C5: variants seen among roughly 807,000 people sequenced by gnomAD.
C5 encodes the protein complement C5.
C5 carries 140 observed loss-of-function variants against 218.8 expected under a neutral mutation model. The observed-to-expected ratio is 0.64, with a 90% CI of 0.56 to 0.74. C5 has a LOEUF of 0.74. Ranked by LOEUF, C5 falls within the 30% of genes least tolerant of loss-of-function variation. C5 has a pLI of 0.00. For synonymous variants in C5, 614 were observed against 682.3 expected, an observed-to-expected ratio of 0.90 and a Z score of 1.56; for missense variants, 1,700 against 1,969.6, an observed-to-expected ratio of 0.86 and a Z score of 2.59.
intron 20 of C5, among the ~76,000 whole-genome samples, chr9:121,002,289 T>TAC (rs1393661473): frequency 3.3e-5 from 4 of 121,282 alleles, no homozygotes; most frequent in East Asian, 2.5e-4. Flanking sequence ...TACGTATATA[T>TAC]GTATATATGT....
At chr9:120,965,590 T>C (rs575958499) in intron 33 of C5, among the ~76,000 whole-genome samples, 6 of 151,946 alleles carry the variant, frequency 3.9e-5, no homozygotes, top group Non-Finnish European at 5.9e-5. Context: ...AAGTCATAGA[T>C]GTAATATTTG....
Position 120,953,831 on chromosome 9 carries a change from G to A in C5, c.4800C>T (p.Phe1600=). ...CGTTAGTACAGGTTACCTTTTTAAT[G>A]AAGGTAATCTCAGAGTCTTTCTCAG... ...AVAEKDSEIT[F]IKKVTCTNAE... is the part of the protein sequence containing the mutation. Residue 1600 remains phenylalanine (F), a synonymous_variant, in exon 40 of 41, where the codon TTC becomes TTT. Transcript: ENST00000223642. 6.2e-7 allele frequency: 1 copy of A among 1,613,360 alleles called. No individual in the cohort carries two copies. The highest frequency in any genetic ancestry group is 8.5e-7 in the Non-Finnish European group (1 of 1,179,286).
intron 3 of C5, 95 bp downstream of exon 3, chr9:121,042,909 G>T: frequency 1.0e-6 from 1 of 974,054 alleles, no homozygotes; most frequent in Non-Finnish European, 1.6e-6. Flanking sequence ...AAAAGAAACC[G>T]ATCTCCACTC....
chr9:121,002,094 G>C (rs2047165924), intron 20 of C5, among the ~76,000 whole-genome samples: 1 of 150,092 alleles, frequency 6.7e-6, no homozygotes, highest in Non-Finnish European at 1.5e-5. Flanking sequence ...AATATTATTG[G>C]TGGAAACACA....
chr9:121,073,295 G>T, the C5 span, among the ~76,000 whole-genome samples: 1 of 152,048 alleles, frequency 6.6e-6, no homozygotes, highest in East Asian at 1.9e-4. Flanking sequence ...CCGCTTCCGG[G>T]GTTTGCACAA....
chr9:121,023,593 T>C (rs1395235950), intron 9 of C5, 74 bp from the exon 10 acceptor site: 1 of 839,928 alleles, frequency 1.2e-6, no homozygotes, highest in Non-Finnish European at 2.1e-6. Context: ...ATTTCATCTC[T>C]ATATGTCTCC....
Position 120,957,349 on chromosome 9 carries a change from T to C in C5, c.4698A>G (p.Thr1566=), listed in dbSNP as rs538537721. The stretch of plus-strand genomic sequence containing the variant: ...CAAAAACATTTTCTACAGTGATGGA[T>C]GTGATGCTAACTTTATAAGCTGGCA... ...EIAYAYKVSI[T]SITVENVFVK... Residue 1566 remains threonine, a synonymous_variant, in exon 39 of 41, where the codon ACA becomes ACG. Transcript: ENST00000223642. The C allele has an allele frequency of 6.2e-7, 1 of 1,612,936 alleles. No individual in the cohort carries two copies. Among genetic ancestry groups the C allele is most frequent in the African/African-American group, 1.3e-5 (1 of 75,028 alleles).
intron 3 of C5, among the ~76,000 whole-genome samples, chr9:121,039,460 G>T (rs183656421): frequency 7.9e-5 from 12 of 152,066 alleles, no homozygotes; most frequent in Non-Finnish European, 1.3e-4. Context: ...CCAACATGGT[G>T]AAATCCCATC....
chr9:121,015,909 T>C lies in C5; in HGVS notation c.1996+345A>G, dbSNP rs185019685. Reference sequence around the variant, plus strand: ...TTCTTACATTGCTTCTCCAGGCTAATGAAGGGGAAACCAATTCCAATAAAT... The same window carrying C: ...TTCTTACATTGCTTCTCCAGGCTAACGAAGGGGAAACCAATTCCAATAAAT... On this transcript the variant is annotated intron_variant, in intron 15 of 40. Coordinates refer to ENST00000223642, the MANE Select transcript of C5 (RefSeq NM_001735.3). Among the ~76,000 whole-genome samples, 13 of 152,250 alleles carry C rather than the reference T, an allele frequency of 8.5e-5. No individual in the cohort carries two copies. The East Asian group carries it at 1.7e-3, about 20-fold the overall frequency.
chr9:121,053,814 C>T (rs1365497269), upstream of C5, among the ~76,000 whole-genome samples: 2 of 152,122 alleles, frequency 1.3e-5, no homozygotes, highest in Non-Finnish European at 2.9e-5. Flanking sequence ...CAGAATTCTG[C>T]AGGCGCCTAG....
intron 23 of C5, 22 bp from the exon 24 acceptor site, chr9:120,989,802 T>A (rs766200249): frequency 3.7e-5 from 58 of 1,575,112 alleles, no homozygotes; most frequent in Non-Finnish European, 4.9e-5. Context: ...AAGATCAAAG[T>A]AGACACATTG....
chr9:120,963,520 T>C, intron 34 of C5, 116 bp downstream of exon 34: 2 of 798,792 alleles, frequency 2.5e-6, no homozygotes, highest in South Asian at 1.6e-5. Context: ...AAAAAAAATA[T>C]TCTGGGTGAT....
chr9:120,990,455 C>T (rs1460049468), intron 23 of C5, among the ~76,000 whole-genome samples: 1 of 152,192 alleles, frequency 6.6e-6, no homozygotes, highest in Non-Finnish European at 1.5e-5. Flanking sequence ...ACACTGAAGC[C>T]TAATCACCAA....
chr9:120,983,673 G>T (rs183752304), intron 25 of C5, among the ~76,000 whole-genome samples: 25 of 152,254 alleles, frequency 1.6e-4, no homozygotes, highest in East Asian at 7.7e-4. Flanking sequence ...TTAGCCAGAT[G>T]TGGTGGCAGG....
chr9:120,974,638 C>T, intron 30 of C5, 141 bp downstream of exon 30: 1 of 795,916 alleles, frequency 1.3e-6, no homozygotes, highest in Non-Finnish European at 2.2e-6. Context: ...CAGGATATAG[C>T]AGGCATCCCT....
chr9:120,999,511 C>T (rs558332262), intron 20 of C5, among the ~76,000 whole-genome samples: 1 of 152,248 alleles, frequency 6.6e-6, no homozygotes, highest in Admixed American at 6.5e-5. Context: ...CTTGCTCAAA[C>T]CTGGCTGACC....
At chr9:120,977,320 T>C (rs2046960993) in intron 28 of C5, among the ~76,000 whole-genome samples, 1 of 152,240 alleles carries the variant, frequency 6.6e-6, no homozygotes, top group South Asian at 2.1e-4. Flanking sequence ...ATGAATTTCA[T>C]GTTTAGACTT....
At chr9:121,073,491 T>C in the C5 span, among the ~76,000 whole-genome samples, 1 of 150,786 alleles carries the variant, frequency 6.6e-6, no homozygotes, top group Non-Finnish European at 1.5e-5. Flanking sequence ...TTCACTTTTA[T>C]AATTATCAGG....
rs746499570 is a variant in C5, at chr9:121,019,975, C to T, written c.1506+1G>A. On this transcript the variant is annotated splice_donor_variant, in intron 12 of 40. Transcript: ENST00000223642. LOFTEE classifies it high-confidence loss of function. ...ATGTAAATCCATCATTATGTACTTA[C>T]CAAGTAATTATAGTGAGTTATTTTG... is the stretch of plus-strand genomic sequence containing the variant. The T allele has an allele frequency of 1.9e-6, 3 of 1,559,458 alleles. No homozygotes were observed. The highest frequency in any genetic ancestry group is 2.2e-5 in the South Asian group (2 of 90,062).
Sources: allele counts gnomAD v4.1 joint callset (sites outside exome capture counted in the v4.1 genomes callset), GRCh38; gene constraint gnomAD v4.1.1; transcripts MANE v1.5; gene names NCBI Gene and HGNC (gene_info 2026-07-23, HGNC 2026-07-21).